The following NCOA7 variants were observed in gnomAD, a reference collection of about 807,000 sequenced individuals.
The protein encoded by NCOA7 is nuclear receptor coactivator 7.
NCOA7 carries 45 observed loss-of-function variants against 104.3 expected under a neutral mutation model. The observed-to-expected ratio is 0.43, with a 90% CI of 0.34 to 0.55. The LOEUF (loss-of-function observed/expected upper bound fraction) is 0.55, where lower values mean the gene tolerates loss of function less well. Among genes scored for constraint, NCOA7 ranks in the 20% least tolerant of loss-of-function variants. NCOA7 has a pLI of 0.02. For synonymous variants in NCOA7, 398 were observed against 402.3 expected (o/e 0.99, Z 0.13); for missense variants, 1,041 against 1,119.7 (o/e 0.93, Z 1.00).
At chr6:125,849,643 A>G (rs1276074914) in intron 2 of NCOA7, among the ~76,000 whole-genome samples, 1 of 152,224 alleles carries the variant, frequency 6.6e-6, no homozygotes, top group Non-Finnish European at 1.5e-5. Context: ...CACAGAGATG[A>G]TGAAAGCCTG....
intron 3 of NCOA7, among the ~76,000 whole-genome samples, chr6:125,856,355 T>G (rs1243095547): frequency 8.2e-6 from 1 of 122,396 alleles, no homozygotes; most frequent in Non-Finnish European, 1.9e-5. Flanking sequence ...TTTTGTTTGT[T>G]TTTTGTGTTT....
At chr6:125,860,603 C>T (rs1218873086) in intron 3 of NCOA7, among the ~76,000 whole-genome samples, 6 of 152,238 alleles carry the variant, frequency 3.9e-5, no homozygotes, top group Non-Finnish European at 8.8e-5. Flanking sequence ...CCACCTCGGC[C>T]TCCCCAAGTG....
At chr6:125,922,873 AT>A (rs748181974) in intron 13 of NCOA7, 39 bp downstream of exon 13, 1 of 1,584,210 alleles carries the variant, frequency 6.3e-7, no homozygotes, top group Non-Finnish European at 8.6e-7. Context: ...TTTTTTAATA[AT>A]TTTTCAAAAT....
chr6:125,893,855 A>T (rs1044456791), intron 10 of NCOA7, among the ~76,000 whole-genome samples: 2 of 152,194 alleles, frequency 1.3e-5, no homozygotes, highest in Non-Finnish European at 2.9e-5. Context: ...ACACCTGTAC[A>T]CTACGACTTG....
rs144053168 is a variant in NCOA7 at position 125,881,169 on chromosome 6, C to G, written c.539C>G (p.Pro180Arg). The G allele has an allele frequency of 1.5e-5, 25 of 1,613,554 alleles. No individual in the cohort carries two copies. The highest frequency in any genetic ancestry group is 2.0e-5 in the Non-Finnish European group (24 of 1,179,672). The stretch of plus-strand genomic sequence containing the variant: ...TCCAGTCCTGGTGCTACTGTCTCTC[C>G]TTCATCATCAGATGCAGAATATGAT... Reference protein sequence around the residue: ...SSSSPGATVSPSSSDAEYDKL... With the variant: ...SSSSPGATVSRSSSDAEYDKL... Residue 180 changes from proline to arginine, a missense_variant, in exon 6 of 16, where the codon CCT becomes CGT. Around this residue, in one of 2 missense-constraint regions of NCOA7, gnomAD observed 914 missense variants for 942.7 expected, o/e 0.97. Transcript: ENST00000392477.
chr6:125,820,116 C>T (rs967002767), intron 2 of NCOA7, among the ~76,000 whole-genome samples: 2 of 152,172 alleles, frequency 1.3e-5, no homozygotes, highest in African/African-American at 4.8e-5. Context: ...CTCCCACCTC[C>T]GCTTTCCTCT....
At chr6:125,905,224 T>C (rs1785870741) in intron 10 of NCOA7, among the ~76,000 whole-genome samples, 1 of 152,090 alleles carries the variant, frequency 6.6e-6, no homozygotes, top group Admixed American at 6.5e-5. Context: ...GAAGATCAGC[T>C]TCACTAGAGT....
At chr6:125,862,213 T>C (rs1782123300) in intron 3 of NCOA7, among the ~76,000 whole-genome samples, 1 of 137,040 alleles carries the variant, frequency 7.3e-6, no homozygotes, top group Non-Finnish European at 1.5e-5. Context: ...CTAAAACTCA[T>C]GCCTAAGTGG....
At chr6:125,826,808 A>T (rs1182414504) in intron 2 of NCOA7, among the ~76,000 whole-genome samples, 1 of 152,136 alleles carries the variant, frequency 6.6e-6, no homozygotes, top group Non-Finnish European at 1.5e-5. Flanking sequence ...TTTGGCTCAC[A>T]GTTCTGGAGT....
intron 1 of NCOA7, among the ~76,000 whole-genome samples, chr6:125,793,036 C>A (rs1001890109): frequency 7.9e-5 from 12 of 152,168 alleles, no homozygotes; most frequent in African/African-American, 2.7e-4. Flanking sequence ...GTAGGCCATA[C>A]TTTATTACTA....
intron 2 of NCOA7, among the ~76,000 whole-genome samples, chr6:125,822,611 G>A (rs1778289054): frequency 6.6e-6 from 1 of 152,098 alleles, no homozygotes; most frequent in South Asian, 2.1e-4. Flanking sequence ...CTAAGTATTA[G>A]TGTCTACTTT....
intron 3 of NCOA7, among the ~76,000 whole-genome samples, chr6:125,858,806 ACT>A (rs1016745539): frequency 1.3e-5 from 2 of 151,412 alleles, no homozygotes; most frequent in Non-Finnish European, 2.9e-5. Context: ...GAGGTGACAA[ACT>A]CTCATCTTGG....
At chr6:125,833,203 G>C (rs1349183730) in intron 2 of NCOA7, among the ~76,000 whole-genome samples, 1 of 151,960 alleles carries the variant, frequency 6.6e-6, no homozygotes, top group African/African-American at 2.4e-5. Flanking sequence ...GAGAAATTAA[G>C]AAAAAAGTGG....
At chr6:125,892,589 G>A (rs112676612) in intron 10 of NCOA7, among the ~76,000 whole-genome samples, 14,639 of 152,088 alleles carry the variant, frequency 0.096, 753 homozygotes, top group Middle Eastern at 0.13. Flanking sequence ...CACGAGAATC[G>A]CTTGAACCTG....
intron 5 of NCOA7, among the ~76,000 whole-genome samples, chr6:125,878,576 C>A (rs1164512283): frequency 6.6e-6 from 1 of 152,082 alleles, no homozygotes; most frequent in African/African-American, 2.4e-5. Context: ...GTGACACCAT[C>A]ATGGCTCACT....
intron 8 of NCOA7, among the ~76,000 whole-genome samples, chr6:125,886,243 C>A (rs1784250569): frequency 6.6e-6 from 1 of 151,796 alleles, no homozygotes; most frequent in African/African-American, 2.4e-5. Context: ...ACTCCTACAG[C>A]CATTAGAATC....
chr6:125,897,675 T>C (rs186349655), intron 10 of NCOA7, among the ~76,000 whole-genome samples: 75 of 152,232 alleles, frequency 4.9e-4, no homozygotes, highest in African/African-American at 1.8e-3. Context: ...GGGATGTATT[T>C]CCCTTTTCAC....
At chr6:125,886,617 A>G (rs1784282727) in intron 8 of NCOA7, among the ~76,000 whole-genome samples, 1 of 152,226 alleles carries the variant, frequency 6.6e-6, no homozygotes, top group South Asian at 2.1e-4. Context: ...AGGGTTGCAC[A>G]TTGATTCCTG....
chr6:125,931,078 A>AT lies in NCOA7; in HGVS notation c.*2308dup, dbSNP rs1788442480. On this transcript the variant is annotated 3_prime_UTR_variant, in exon 16 of 16. Transcript: ENST00000392477. ...CTATATGTAATGCAGTGCTATCCCA[A>AT]TATTTTCAATAAAGGACTTTATGCA... The AT allele has an allele frequency of 6.6e-6, 1 of 152,664 alleles. No homozygotes were observed. Among genetic ancestry groups the AT allele is most frequent in the East Asian group, 1.9e-4 (1 of 5,206 alleles). The allele number at this position is 152,664 out of a possible 1,614,324, so 9.5% of individuals were successfully genotyped here.
Sources: gnomAD v4.1 joint callset for allele counts (sites outside exome capture counted in the v4.1 genomes callset) on GRCh38, gnomAD v4.1.1 for gene constraint, gnomAD v4.1.1 regional missense constraint, MANE v1.5 for transcripts, NCBI Gene and HGNC (gene_info 2026-07-23, HGNC 2026-07-21) for gene names.